LRPPRC: variants seen among roughly 807,000 people sequenced by gnomAD.
The protein encoded by LRPPRC is leucine rich pentatricopeptide repeat containing.
A neutral mutation model predicts 180.3 loss-of-function variants in LRPPRC; 120 were observed. The observed-to-expected ratio is 0.67, with a 90% CI of 0.57 to 0.77. The LOEUF is 0.77. Among genes scored for constraint, LRPPRC ranks in the 30% least tolerant of loss-of-function variants. The pLI, the probability that LRPPRC is intolerant of heterozygous loss-of-function variation, is 0.00. For synonymous variants in LRPPRC, 723 were observed against 600.0 expected, an observed-to-expected ratio of 1.21 and a Z score of -3.00; for missense variants, 2,012 against 1,657.2, an observed-to-expected ratio of 1.21 and a Z score of -3.72.
upstream of LRPPRC, chr2:43,996,024 C>A (rs1489982829): frequency 2.1e-6 from 3 of 1,461,766 alleles, no homozygotes; most frequent in Non-Finnish European, 2.7e-6. Context: ...GGTAGCCTGG[C>A]GCGGCAGAGA....
chr2:43,987,081 A>G (rs995493092), intron 1 of LRPPRC, among the ~76,000 whole-genome samples: 1 of 152,204 alleles, frequency 6.6e-6, no homozygotes, highest in Non-Finnish European at 1.5e-5. Flanking sequence ...ATGCCGAACC[A>G]GCCTTGCACA....
In LRPPRC at chr2:43,949,635, C is replaced by T. The variant is rs1412338282; in HGVS notation, c.1702G>A (p.Gly568Arg). Reference sequence around the variant, plus strand: ...CCTCGAGGCTCCTGGCAATAACGTCCATCCTTGTACAACAATTCTGTTATC... The same window carrying T: ...CCTCGAGGCTCCTGGCAATAACGTCTATCCTTGTACAACAATTCTGTTATC... ...SEITELLYKD[G>R]RYCQEPRGPT... The change falls in exon 16 of 38, where the codon GGA becomes AGA. Residue 568 changes from glycine to arginine, a missense_variant. Transcript: ENST00000260665. 3 of 1,613,942 alleles carry T rather than the reference C, an allele frequency of 1.9e-6. No homozygotes were observed. The highest frequency in any genetic ancestry group is 1.7e-5 in the Admixed American group (1 of 60,010).
At chr2:43,949,726 T>A (rs989896397) in intron 15 of LRPPRC, 67 bp from the exon 16 acceptor site, 2 of 1,064,154 alleles carry the variant, frequency 1.9e-6, no homozygotes, top group Non-Finnish European at 2.9e-6. Flanking sequence ...AATCTGAAAT[T>A]GAATTCTTGA....
At chr2:43,945,908 TATC>T (rs1455928004) in intron 21 of LRPPRC, among the ~76,000 whole-genome samples, 1 of 151,756 alleles carries the variant, frequency 6.6e-6, no homozygotes, top group Non-Finnish European at 1.5e-5. Flanking sequence ...TAGAATGTCT[TATC>T]ATACTTAAAC....
intron 30 of LRPPRC, among the ~76,000 whole-genome samples, chr2:43,908,371 A>G (rs1354321636): frequency 1.3e-5 from 2 of 152,240 alleles, no homozygotes; most frequent in Non-Finnish European, 2.9e-5. Context: ...AACATTTTTA[A>G]AAGTTACTAT....
chr2:43,966,193 A>G (rs1192175001), intron 11 of LRPPRC, among the ~76,000 whole-genome samples: 1 of 152,194 alleles, frequency 6.6e-6, no homozygotes, highest in African/African-American at 2.4e-5. Flanking sequence ...AAGTGAAATA[A>G]GCCAGATACA....
chr2:43,932,123 CAAAAAAAAAAA>C (rs746600862), intron 25 of LRPPRC, among the ~76,000 whole-genome samples: 433 of 20,862 alleles, frequency 0.021, 9 homozygotes, highest in African/African-American at 0.073. Context: ...GACCCTGTCT[CAAAAAAAAAAA>C]AAAAAAAAAA....
chr2:43,946,319 C>A, intron 20 of LRPPRC, 76 bp from the exon 21 acceptor site: 1 of 1,155,212 alleles, frequency 8.7e-7, no homozygotes, highest in Non-Finnish European at 1.3e-6. Flanking sequence ...CTTTACTGTT[C>A]AGAGTTTAGA....
rs552932986 is a variant in LRPPRC, at chr2:43,986,918, G to C, written c.150-4484C>G. Among the ~76,000 whole-genome samples the C allele has an allele frequency of 3.3e-5, 5 of 152,318 alleles. No individual in the cohort carries two copies. In the East Asian group the frequency reaches 9.6e-4, roughly 29 times the overall value. ...GTAAAGTACAAAACTAGTTTTCATA[G>C]AGCCGCTCTCTCAACTTATTTTGTT... On this transcript the variant is annotated intron_variant, in intron 1 of 37. Transcript: ENST00000260665.
intron 29 of LRPPRC, among the ~76,000 whole-genome samples, 164 bp from the exon 30 acceptor site, chr2:43,912,722 T>C (rs918795410): frequency 6.6e-6 from 1 of 152,208 alleles, no homozygotes; most frequent in Non-Finnish European, 1.5e-5. Context: ...ATTCTTCAAA[T>C]ATTTTAAAGA....
intron 31 of LRPPRC, chr2:43,901,747 A>T: frequency 1.9e-6 from 1 of 525,590 alleles, no homozygotes. Flanking sequence ...TTCTTCTTTA[A>T]GTCACAGAGA....
chr2:43,972,706 C>T (rs886548038), intron 11 of LRPPRC, among the ~76,000 whole-genome samples: 7 of 152,128 alleles, frequency 4.6e-5, no homozygotes, highest in African/African-American at 1.7e-4. Flanking sequence ...TTCACTATTT[C>T]CTTTAAACCA....
intron 3 of LRPPRC, among the ~76,000 whole-genome samples, chr2:43,977,978 T>C (rs1674134686): frequency 6.6e-6 from 1 of 152,166 alleles, no homozygotes; most frequent in African/African-American, 2.4e-5. Context: ...ATGGTTAGTA[T>C]CTGGGGGTGA....
chr2:43,982,456 A>G (rs1217952791), intron 1 of LRPPRC, 22 bp from the exon 2 acceptor site: 16 of 1,569,632 alleles, frequency 1.0e-5, no homozygotes, highest in African/African-American at 5.4e-5. Flanking sequence ...AACATAATTA[A>G]TAATAATCAG....
intron 14 of LRPPRC, among the ~76,000 whole-genome samples, chr2:43,952,667 G>A (rs1408797811): frequency 6.6e-6 from 1 of 152,076 alleles, no homozygotes; most frequent in Non-Finnish European, 1.5e-5. Context: ...GGTTCTAAGT[G>A]CATTATATTT....
chr2:43,911,584 T>C (rs938479861), intron 30 of LRPPRC, among the ~76,000 whole-genome samples: 5 of 147,128 alleles, frequency 3.4e-5, no homozygotes, highest in Admixed American at 2.1e-4. Context: ...TGGAGTGCAG[T>C]TGCGCAATCT....
chr2:43,984,291 TG>T (rs1674433981), intron 1 of LRPPRC, among the ~76,000 whole-genome samples: 1 of 152,204 alleles, frequency 6.6e-6, no homozygotes, highest in South Asian at 2.1e-4. Context: ...GAAGTCTATT[TG>T]CCAAAGTTTT....
At chr2:43,975,433 A>G (rs1674012294) in intron 6 of LRPPRC, among the ~76,000 whole-genome samples, 2 of 152,222 alleles carry the variant, frequency 1.3e-5, no homozygotes. Flanking sequence ...TAATAATTAC[A>G]TAGACATTAA....
intron 1 of LRPPRC, among the ~76,000 whole-genome samples, chr2:43,990,754 C>T (rs1674738291): frequency 6.6e-6 from 1 of 151,870 alleles, no homozygotes. Context: ...GTACATGTGC[C>T]TGTCTAGCCC....
Sources: gnomAD v4.1 joint callset for allele counts (sites outside exome capture counted in the v4.1 genomes callset) on GRCh38, gnomAD v4.1.1 for gene constraint, MANE v1.5 for transcripts, NCBI Gene and HGNC (gene_info 2026-07-23, HGNC 2026-07-21) for gene names.